ABCB4: variants seen among roughly 807,000 people sequenced by gnomAD.
ABCB4 encodes the protein ATP binding cassette subfamily B member 4, also known as phosphatidylcholine translocator ABCB4.
A neutral mutation model predicts 145.7 loss-of-function variants in ABCB4; 76 were observed. That is an observed-to-expected ratio of 0.52 (90% confidence interval 0.43 to 0.63). ABCB4 has a LOEUF of 0.63. ABCB4 is among the 30% of genes least tolerant of loss of function. The pLI, the probability that ABCB4 is intolerant of heterozygous loss-of-function variation, is 0.00. For synonymous variants in ABCB4, 517 were observed against 566.8 expected, an observed-to-expected ratio of 0.91 and a Z score of 1.25; for missense variants, 1,234 against 1,553.1, an observed-to-expected ratio of 0.79 and a Z score of 3.45.
chr7:87,471,814 C>G (rs1268663301), intron 3 of ABCB4, among the ~76,000 whole-genome samples: 2 of 152,100 alleles, frequency 1.3e-5, no homozygotes, highest in Admixed American at 1.3e-4. Context: ...AGAAAAGCAC[C>G]GAAAACTGTT....
downstream of ABCB4, chr7:87,399,396 A>C (rs1462204966): frequency 2.0e-5 from 3 of 152,274 alleles, no homozygotes; most frequent in Admixed American, 2.0e-4. Context: ...GGATCGGTTG[A>C]GCCCAGGAGG....
At chr7:87,393,789 A>G in the ABCB4 span, among the ~76,000 whole-genome samples, 2 of 152,210 alleles carry the variant, frequency 1.3e-5, no homozygotes. Flanking sequence ...AATATGCATG[A>G]CATATTTCAG....
the ABCB4 span, among the ~76,000 whole-genome samples, chr7:87,378,095 G>A: frequency 6.6e-5 from 10 of 152,144 alleles, no homozygotes; most frequent in South Asian, 1.9e-3. Context: ...TGTAATCCCA[G>A]CACTTTGGGA....
chr7:87,421,989 T>G (rs920223673), intron 18 of ABCB4, 132 bp downstream of exon 18: 2 of 702,064 alleles, frequency 2.8e-6, no homozygotes, highest in African/African-American at 3.6e-5. Context: ...GAGTCTACCC[T>G]CCAGCAGAGC....
At chr7:87,462,694 T>C (rs1026273501) in intron 4 of ABCB4, 64 bp downstream of exon 4, 7 of 1,511,422 alleles carry the variant, frequency 4.6e-6, no homozygotes, top group African/African-American at 2.8e-5. Context: ...CAAAATCAAC[T>C]CCCAAATTTT....
At chr7:87,368,169 CT>C in the ABCB4 span, among the ~76,000 whole-genome samples, 1 of 152,198 alleles carries the variant, frequency 6.6e-6, no homozygotes, top group Non-Finnish European at 1.5e-5. Context: ...GCTGTTTCCT[CT>C]GCCTGAAACA....
At chr7:87,428,131 A>G (rs1013651889) in intron 15 of ABCB4, among the ~76,000 whole-genome samples, 1 of 152,160 alleles carries the variant, frequency 6.6e-6, no homozygotes, top group Non-Finnish European at 1.5e-5. Context: ...AATCTCATCC[A>G]TGCTATCAAG....
chr7:87,398,492 T>G, downstream of ABCB4: 2 of 1,611,698 alleles, frequency 1.2e-6, no homozygotes, highest in South Asian at 1.1e-5. Flanking sequence ...GAGCCTTTTG[T>G]GTAATCATTA....
the ABCB4 span, among the ~76,000 whole-genome samples, chr7:87,379,116 T>C: frequency 6.6e-6 from 1 of 152,192 alleles, no homozygotes; most frequent in South Asian, 2.1e-4. Context: ...AACTACCCTT[T>C]GTAAGGTGGT....
chr7:87,425,468 G>T (rs1422935068), intron 16 of ABCB4, among the ~76,000 whole-genome samples: 2 of 152,164 alleles, frequency 1.3e-5, no homozygotes, highest in African/African-American at 2.4e-5. Flanking sequence ...CTCTAAGAGA[G>T]TCCTTGTAAT....
intron 26 of ABCB4, among the ~76,000 whole-genome samples, chr7:87,403,736 A>T (rs1332046028): frequency 6.6e-6 from 1 of 152,208 alleles, no homozygotes; most frequent in Non-Finnish European, 1.5e-5. Flanking sequence ...GTTCCATTAT[A>T]ATCTTATGGG....
the ABCB4 span, chr7:87,382,677 TC>T: frequency 1.2e-6 from 1 of 815,992 alleles, no homozygotes; most frequent in Non-Finnish European, 1.9e-6. Context: ...TATTTGTACT[TC>T]CATCAATAGA....
At chr7:87,410,051 T>G (rs1808498908) in intron 23 of ABCB4, among the ~76,000 whole-genome samples, 1 of 152,184 alleles carries the variant, frequency 6.6e-6, no homozygotes, top group African/African-American at 2.4e-5. Context: ...CGAACATGCA[T>G]ATGTACCCCT....
chr7:87,375,380 G>A, the ABCB4 span: 1 of 407,368 alleles, frequency 2.5e-6, no homozygotes, highest in Non-Finnish European at 4.4e-6. Context: ...GTATATATCA[G>A]CGAAACTAAA....
intron 4 of ABCB4, among the ~76,000 whole-genome samples, chr7:87,461,093 G>A (rs1256117406): frequency 6.6e-6 from 1 of 152,050 alleles, no homozygotes; most frequent in Non-Finnish European, 1.5e-5. Context: ...TTACAGGCAT[G>A]AGCCACCATG....
the ABCB4 span, among the ~76,000 whole-genome samples, chr7:87,372,769 T>C: frequency 6.6e-6 from 1 of 152,180 alleles, no homozygotes; most frequent in Admixed American, 6.5e-5. Context: ...ATCCGTGTTT[T>C]AGCATGTATG....
intron 21 of ABCB4, among the ~76,000 whole-genome samples, chr7:87,416,329 T>C (rs139601382): frequency 1.3e-5 from 2 of 152,360 alleles, no homozygotes; most frequent in African/African-American, 4.8e-5. Context: ...TCACCCAGTC[T>C]CTGACGCCTT....
At chr7:87,468,824 G>A (rs531204199) in intron 3 of ABCB4, among the ~76,000 whole-genome samples, 17 of 152,054 alleles carry the variant, frequency 1.1e-4, no homozygotes, top group Middle Eastern at 3.4e-3. Context: ...TCAGCTACTC[G>A]AGAGGCTGAG....
the ABCB4 span, among the ~76,000 whole-genome samples, chr7:87,370,113 G>A: frequency 5.3e-5 from 8 of 151,910 alleles, no homozygotes; most frequent in Non-Finnish European, 8.8e-5. Context: ...AGATATTTCA[G>A]TATACATCTC....
Sources: gnomAD v4.1 joint callset for allele counts (sites outside exome capture counted in the v4.1 genomes callset) on GRCh38, gnomAD v4.1.1 for gene constraint, MANE v1.5 for transcripts, NCBI Gene and HGNC (gene_info 2026-07-23, HGNC 2026-07-21) for gene names.